The following FHIT variants were observed in gnomAD, a reference collection of about 807,000 sequenced individuals.
The protein encoded by FHIT is bis(5'-adenosyl)-triphosphatase.
In FHIT, 19 loss-of-function variants were observed where a neutral mutation model predicts 17.9. The observed-to-expected ratio is 1.06, with a 90% CI of 0.74 to 1.56. The LOEUF (loss-of-function observed/expected upper bound fraction) is 1.56. Ranked by LOEUF, FHIT falls within the 40% of genes most tolerant of loss-of-function variation. The pLI is 0.00. For synonymous variants in FHIT, 81 were observed against 69.7 expected (o/e 1.16, Z -0.81); for missense variants, 248 against 189.2 (o/e 1.31, Z -1.82).
chr3:60,518,537 C>T (rs1236359726), intron 5 of FHIT, among the ~76,000 whole-genome samples: 1 of 152,164 alleles, frequency 6.6e-6, no homozygotes, highest in Non-Finnish European at 1.5e-5. Flanking sequence ...GAATGTTCAT[C>T]CATTTAAACA....
At chr3:60,424,586 G>C (rs2107274218) in intron 5 of FHIT, among the ~76,000 whole-genome samples, 1 of 152,044 alleles carries the variant, frequency 6.6e-6, no homozygotes, top group African/African-American at 2.4e-5. Context: ...CACATGCATT[G>C]TGCATTTCAC....
intron 3 of FHIT, among the ~76,000 whole-genome samples, chr3:60,822,838 A>G (rs1219300355): frequency 1.3e-5 from 2 of 152,146 alleles, no homozygotes; most frequent in African/African-American, 4.8e-5. Context: ...GCTGCTCATA[A>G]ATCACTCAAT....
chr3:61,046,535 G>A (rs1012923811), intron 2 of FHIT, among the ~76,000 whole-genome samples: 7 of 152,150 alleles, frequency 4.6e-5, no homozygotes, highest in African/African-American at 1.7e-4. Context: ...GACCCAGATG[G>A]ATTCACAGCC....
chr3:61,230,925 T>G (rs537161803), intron 1 of FHIT, among the ~76,000 whole-genome samples: 134 of 152,344 alleles, frequency 8.8e-4, no homozygotes, highest in Admixed American at 3.1e-3. Context: ...ATTTCAGAAC[T>G]GTGGATTCTA....
chr3:60,245,252 A>G (rs563444294), intron 5 of FHIT, among the ~76,000 whole-genome samples: 2 of 152,230 alleles, frequency 1.3e-5, no homozygotes, highest in South Asian at 4.1e-4. Flanking sequence ...ATTTCCTTGT[A>G]GCTAATAATT....
intron 5 of FHIT, among the ~76,000 whole-genome samples, chr3:60,105,034 T>C (rs1704348735): frequency 6.6e-6 from 1 of 152,196 alleles, no homozygotes; most frequent in Non-Finnish European, 1.5e-5. Context: ...TGCTTCAACC[T>C]TTGGCTGGGT....
chr3:60,357,197 A>G (rs1253708139), intron 5 of FHIT, among the ~76,000 whole-genome samples: 7 of 151,674 alleles, frequency 4.6e-5, no homozygotes, highest in Admixed American at 6.6e-5. Flanking sequence ...ACTGGAGATC[A>G]CTTGTTTTTT....
intron 4 of FHIT, among the ~76,000 whole-genome samples, chr3:60,638,492 G>A (rs1188475575): frequency 6.6e-6 from 1 of 152,116 alleles, no homozygotes; most frequent in Non-Finnish European, 1.5e-5. Flanking sequence ...CCCATACTTT[G>A]AAGCACATTA....
At chr3:59,802,032 C>T (rs1316159959) in intron 8 of FHIT, among the ~76,000 whole-genome samples, 2 of 152,258 alleles carry the variant, frequency 1.3e-5, no homozygotes, top group Non-Finnish European at 2.9e-5. Context: ...TTCTCTGAGT[C>T]ACCTCAGCCT....
At chr3:60,425,477 C>G (rs1218356473) in intron 5 of FHIT, among the ~76,000 whole-genome samples, 1 of 152,016 alleles carries the variant, frequency 6.6e-6, no homozygotes, top group Non-Finnish European at 1.5e-5. Flanking sequence ...TACACTAAAC[C>G]CTTATGATAC....
At chr3:61,213,340 G>A (rs2039553637) in intron 1 of FHIT, among the ~76,000 whole-genome samples, 1 of 152,008 alleles carries the variant, frequency 6.6e-6, no homozygotes. Flanking sequence ...AACAAAAAAA[G>A]GCAGGGGTTG....
chr3:60,249,077 G>T (rs1244081380), intron 5 of FHIT, among the ~76,000 whole-genome samples: 2 of 151,894 alleles, frequency 1.3e-5, no homozygotes, highest in African/African-American at 2.4e-5. Flanking sequence ...CCTAATGAGG[G>T]CTCCATAAAA....
chr3:60,588,986 A>G (rs1553663157), intron 4 of FHIT, among the ~76,000 whole-genome samples: 1 of 152,024 alleles, frequency 6.6e-6, no homozygotes, highest in Non-Finnish European at 1.5e-5. Context: ...GCATGAGTCC[A>G]GGAAAGAATA....
intron 1 of FHIT, among the ~76,000 whole-genome samples, chr3:61,216,395 G>A (rs1206812821): frequency 3.3e-5 from 5 of 152,326 alleles, no homozygotes; most frequent in African/African-American, 9.6e-5. Context: ...ATGAAAAAAT[G>A]CTCACCATCA....
At chr3:61,131,020 G>C (rs2036748566) in intron 2 of FHIT, among the ~76,000 whole-genome samples, 4 of 152,220 alleles carry the variant, frequency 2.6e-5, no homozygotes, top group Admixed American at 2.6e-4. Flanking sequence ...GGTTAAAGTA[G>C]TTGGCCAAAG....
At chr3:60,729,510 A>C (rs1221956700) in intron 4 of FHIT, among the ~76,000 whole-genome samples, 2 of 152,204 alleles carry the variant, frequency 1.3e-5, no homozygotes, top group Admixed American at 1.3e-4. Context: ...AACAAAGTAT[A>C]AAAGTGCCCA....
chr3:60,506,605 C>T (rs1020666113), intron 5 of FHIT, among the ~76,000 whole-genome samples: 4 of 152,092 alleles, frequency 2.6e-5, no homozygotes, highest in Non-Finnish European at 5.9e-5. Context: ...GTGCTTTGGC[C>T]AATGGATCAC....
rs556357387 is a variant in FHIT at position 60,714,711 on chromosome 3, G to T, written c.-18+107208C>A. Among the ~76,000 whole-genome samples, 36 of 152,160 alleles carry T rather than the reference G, an allele frequency of 2.4e-4. No individual in the cohort carries two copies. The South Asian group carries it at 6.2e-3, about 26-fold the overall frequency. On this transcript the variant is annotated intron_variant, in intron 4 of 9. Coordinates refer to ENST00000492590, the MANE Select transcript of FHIT (RefSeq NM_002012.4). ...TGCTTCAAAGAGAAGAAAATACCTA[G>T]GAATCCAACTTACAAGGGACGTGAA...
intron 5 of FHIT, among the ~76,000 whole-genome samples, chr3:60,182,517 C>G (rs1488097721): frequency 6.6e-6 from 1 of 152,136 alleles, no homozygotes; most frequent in South Asian, 2.1e-4. Flanking sequence ...TGGCTGACAC[C>G]TGTAATCCTA....
Sources: allele counts gnomAD v4.1 joint callset (sites outside exome capture counted in the v4.1 genomes callset), GRCh38; gene constraint gnomAD v4.1.1; transcripts MANE v1.5; gene names NCBI Gene and HGNC (gene_info 2026-07-23, HGNC 2026-07-21).